NAV1: variants seen among roughly 807,000 people sequenced by gnomAD.
NAV1 encodes pore membrane and/or filament interacting like protein 3.
Under a neutral mutation model 175.2 loss-of-function variants are expected in NAV1, and 18 were observed. That is an observed-to-expected ratio of 0.10 (90% CI 0.07 to 0.15). NAV1 has a LOEUF of 0.15. Among genes scored for constraint, NAV1 ranks in the 10% least tolerant of loss-of-function variants. The pLI, the probability that NAV1 is intolerant of heterozygous loss-of-function variation, is 1.00. For missense variants in NAV1, 1,731 were observed against 2,436.6 expected, an observed-to-expected ratio of 0.71 and a Z score of 6.10; for synonymous variants, 897 against 978.7, an observed-to-expected ratio of 0.92 and a Z score of 1.56.
upstream of NAV1, among the ~76,000 whole-genome samples, chr1:201,619,760 T>C (rs946885077): frequency 6.6e-6 from 1 of 152,128 alleles, no homozygotes; most frequent in Non-Finnish European, 1.5e-5. Flanking sequence ...ATGAGCTAGA[T>C]GAGGAAGAGG....
At chr1:201,597,722 C>T (rs906426709) in intron 2 of NAV1, among the ~76,000 whole-genome samples, 1 of 152,348 alleles carries the variant, frequency 6.6e-6, no homozygotes, top group East Asian at 1.9e-4. Flanking sequence ...AGCTCAGCCC[C>T]CATGCTCCAC....
chr1:201,710,126 T>G (rs574421812), intron 1 of NAV1, among the ~76,000 whole-genome samples: 1 of 150,310 alleles, frequency 6.7e-6, no homozygotes, highest in East Asian at 2.0e-4. Context: ...AGCATGACTC[T>G]CCTGAGGCTA....
chr1:201,726,384 C>T (rs1672607064), intron 3 of NAV1, among the ~76,000 whole-genome samples: 1 of 152,134 alleles, frequency 6.6e-6, no homozygotes, highest in African/African-American at 2.4e-5. Context: ...TGGCTTATGC[C>T]TGTAATCCCA....
upstream of NAV1, among the ~76,000 whole-genome samples, chr1:201,647,706 G>C (rs1219673414): frequency 1.3e-5 from 2 of 152,062 alleles, no homozygotes; most frequent in African/African-American, 4.8e-5. Context: ...CTGAAGTAGG[G>C]CGGGACTGGG....
chr1:201,564,616 C>T (rs185875728), intron 1 of NAV1, among the ~76,000 whole-genome samples: 28 of 152,266 alleles, frequency 1.8e-4, no homozygotes, highest in African/African-American at 6.3e-4. Context: ...GAGTGAGACT[C>T]TGTCTCAAAT....
chr1:201,566,750 A>G (rs1666364842), intron 1 of NAV1, among the ~76,000 whole-genome samples: 1 of 151,988 alleles, frequency 6.6e-6, no homozygotes, highest in African/African-American at 2.4e-5. Flanking sequence ...TGAAGTAGCC[A>G]TAATCCCCCA....
intron 21 of NAV1, 65 bp downstream of exon 25, chr1:201,809,326 T>C (rs1330039040): frequency 1.3e-6 from 2 of 1,599,428 alleles, no homozygotes; most frequent in South Asian, 2.2e-5. Context: ...TCCAAGAAAA[T>C]CTGGACCCTG....
rs1668423816 is a variant in NAV1, at chr1:201,629,384, A to G, written c.-100-20A>G. 7.7e-7 allele frequency: 1 copy of G among 1,298,668 alleles called. No homozygotes were observed. The highest frequency in any genetic ancestry group is 1.0e-6 in the Non-Finnish European group (1 of 985,936). The allele number at this position is 1,298,668 out of a possible 1,614,324, so 80.4% of individuals were successfully genotyped here. ...CAGGACATCTCTACCATGAGTGACTACCCTTTCTTGGTCCCACAGGTTGCA... is the reference window on the plus strand; with the variant it reads ...CAGGACATCTCTACCATGAGTGACTGCCCTTTCTTGGTCCCACAGGTTGCA... On this transcript the variant is annotated intron_variant, in intron 1 of 29. Transcript: ENST00000367302.
At chr1:201,803,294 G>A (rs1345786628) in intron 15 of NAV1, among the ~76,000 whole-genome samples, 3 of 152,170 alleles carry the variant, frequency 2.0e-5, no homozygotes, top group Admixed American at 2.0e-4. Flanking sequence ...ACTGTAGAGG[G>A]CTGGCTTTAG....
chr1:201,747,831 G>A (rs1436410641), intron 3 of NAV1, among the ~76,000 whole-genome samples: 1 of 152,064 alleles, frequency 6.6e-6, no homozygotes, highest in East Asian at 1.9e-4. Context: ...CTAAATTCTA[G>A]ATAAACATCC....
At chr1:201,755,778 G>A (rs183893180) in intron 3 of NAV1, among the ~76,000 whole-genome samples, 110 of 152,208 alleles carry the variant, frequency 7.2e-4, no homozygotes, top group African/African-American at 2.4e-3. Context: ...TATGCCTGGC[G>A]TGGAGAAGAG....
chr1:201,680,783 CT>C (rs1670435670), intron 1 of NAV1, among the ~76,000 whole-genome samples: 1 of 149,912 alleles, frequency 6.7e-6, no homozygotes, highest in African/African-American at 2.4e-5. Context: ...CAGTGGGGGT[CT>C]GGAGGGTGCT....
intron 1 of NAV1, among the ~76,000 whole-genome samples, chr1:201,576,103 C>T (rs1666683782): frequency 6.6e-6 from 1 of 152,162 alleles, no homozygotes; most frequent in Non-Finnish European, 1.5e-5. Flanking sequence ...AGACACAGAA[C>T]AGTCCTGTCA....
intron 1 of NAV1, among the ~76,000 whole-genome samples, chr1:201,549,728 C>T (rs1490701000): frequency 1.3e-5 from 2 of 150,952 alleles, no homozygotes; most frequent in Admixed American, 6.6e-5. Flanking sequence ...ACCTGGGTGC[C>T]GGCCTGGCTC....
At chr1:201,802,333 T>C (rs1258385683) in intron 15 of NAV1, among the ~76,000 whole-genome samples, 3 of 111,796 alleles carry the variant, frequency 2.7e-5, no homozygotes, top group Admixed American at 9.8e-5. Context: ...AAAAAAGACA[T>C]TGAGGGGCTG....
intron 7 of NAV1, 48 bp from the exon 12 acceptor site, chr1:201,785,262 A>G (rs1380347026): frequency 1.3e-6 from 2 of 1,577,054 alleles, no homozygotes; most frequent in Non-Finnish European, 1.7e-6. Context: ...AGATGGACCC[A>G]CATGCTTCTC....
At position 201,694,750 on chromosome 1, in the gene NAV1, G is replaced by C. The variant is rs1471997934; in HGVS notation, c.758-18067G>C. Among the ~76,000 whole-genome samples the C allele has an allele frequency of 6.6e-6, 1 of 152,222 alleles. No homozygotes were observed. The highest frequency in any genetic ancestry group is 1.5e-5 in the Non-Finnish European group (1 of 68,048). ...AGGGATGGGCGAGATGCAGTCTCCA[G>C]AGTGACGCAGTGGGACGAGCCCTGG... On this transcript the variant is annotated intron_variant, in intron 1 of 29. Transcript: ENST00000367296. This position sits in a 1 kb window ranked among gnomAD's most constrained non-coding sequence, Gnocchi z 4.2.
At chr1:201,779,184 C>T (rs1300864239) in intron 3 of NAV1, among the ~76,000 whole-genome samples, 1 of 151,766 alleles carries the variant, frequency 6.6e-6, no homozygotes, top group Non-Finnish European at 1.5e-5. Context: ...TGCATGTGAT[C>T]GAAAAGAAAT....
At position 201,642,563 on chromosome 1, in the gene NAV1, T is replaced by C. The variant is rs577596032; in HGVS notation, c.5-6071T>C. Reference sequence around the variant, plus strand: ...TTTCTTTCTTTCTTTCTTTTTTCCCTTTCTTCCCTTCCTTCTCTTTCTTTC... The same window carrying C: ...TTTCTTTCTTTCTTTCTTTTTTCCCCTTCTTCCCTTCCTTCTCTTTCTTTC... On this transcript the variant is annotated intron_variant, in intron 2 of 29. Coordinates refer to the NAV1 transcript ENST00000367302. Among the ~76,000 whole-genome samples, 19 of 145,644 alleles carry C rather than the reference T, an allele frequency of 1.3e-4. No individual in the cohort carries two copies. In the Middle Eastern group the frequency reaches 0.01, roughly 79 times the overall value.
Sources: gnomAD v4.1 joint callset for allele counts (sites outside exome capture counted in the v4.1 genomes callset) on GRCh38, gnomAD v4.1.1 for gene constraint, Gnocchi (gnomAD v3.1) non-coding constraint, MANE v1.5 for transcripts, NCBI Gene and HGNC (gene_info 2026-07-23, HGNC 2026-07-21) for gene names.